HOXC5: variants seen among roughly 807,000 people sequenced by gnomAD.
HOXC5 encodes homeobox C5.
In HOXC5, 19 loss-of-function variants were observed where a neutral mutation model predicts 20.1. The ratio of observed to expected loss-of-function variants is 0.94; its 90% CI spans 0.66 to 1.38. The LOEUF is 1.38. Among genes scored for constraint, HOXC5 ranks in the 40% most tolerant of loss-of-function variants. The pLI is 0.00. For synonymous variants in HOXC5, 124 were observed against 117.0 expected, an observed-to-expected ratio of 1.06 and a Z score of -0.39; for missense variants, 330 against 300.1, an observed-to-expected ratio of 1.10 and a Z score of -0.74.
chr12:54,028,142 G>A (rs1395562331), upstream of HOXC5, among the ~76,000 whole-genome samples: 1 of 152,072 alleles, frequency 6.6e-6, no homozygotes, highest in East Asian at 1.9e-4. Context: ...AGCAAAGTTA[G>A]CTGGGGCTGA....
rs1050335029 is a variant in HOXC5 at position 54,033,088 on chromosome 12, A to C, written c.-35A>C. 1.9e-6 allele frequency: 3 copies of C among 1,561,016 alleles called. No individual in the cohort carries two copies. Among genetic ancestry groups the C allele is most frequent in the Non-Finnish European group, 2.6e-6 (3 of 1,139,936 alleles). ...AGAGTCACAAATCACCCTTAATCAAAAAGGGTGCAGAAATTTTTTTGGGCC... is the reference window on the plus strand; with the variant it reads ...AGAGTCACAAATCACCCTTAATCAACAAGGGTGCAGAAATTTTTTTGGGCC... On this transcript the variant is annotated 5_prime_UTR_variant, in exon 1 of 2. Transcript: ENST00000312492.
At chr12:54,028,496 T>C (rs543723007), upstream of HOXC5, 4 of 1,606,768 alleles carry the variant, frequency 2.5e-6, no homozygotes, top group Admixed American at 3.4e-5. Flanking sequence ...AAAGAAATCA[T>C]AGACCGACCA....
chr12:54,023,869 T>G, the HOXC5 span, among the ~76,000 whole-genome samples: 1 of 152,270 alleles, frequency 6.6e-6, no homozygotes, highest in South Asian at 2.1e-4. Context: ...GAGCCATGCT[T>G]TGGTGTTCCC....
chr12:54,033,781 A>G (rs1346320795), intron 1 of HOXC5, among the ~76,000 whole-genome samples: 2 of 152,186 alleles, frequency 1.3e-5, no homozygotes, highest in Non-Finnish European at 2.9e-5. Context: ...AAACGTGTAT[A>G]AAAGGCAATA....
chr12:54,033,495 A>C lies in HOXC5; in HGVS notation c.373A>C (p.Thr125Pro). Reference sequence around the variant, plus strand: ...GGAGATCAAAGAGGAGCAGGCGCAGACAGGGCAGCCCGCCGGACTGAGCCA... The same window carrying C: ...GGAGATCAAAGAGGAGCAGGCGCAGCCAGGGCAGCCCGCCGGACTGAGCCA... ...SGEIKEEQAQ[T>P]GQPAGLSQPP... The change falls in exon 1 of 2, where the codon ACA (threonine) becomes CCA (proline). Residue 125 changes from threonine to proline, a missense_variant. Thr to Pro is a conservative substitution (Grantham distance 38, BLOSUM62 -1). Coordinates refer to ENST00000312492, the MANE Select transcript of HOXC5 (RefSeq NM_018953.4). 1 of 1,592,304 alleles carries C rather than the reference A, an allele frequency of 6.3e-7. No homozygotes were observed. The highest frequency in any genetic ancestry group is 1.7e-5 in the Admixed American group (1 of 57,982).
upstream of HOXC5, chr12:54,029,880 G>A: frequency 6.3e-7 from 1 of 1,599,928 alleles, no homozygotes. Context: ...CTCTCGGGGG[G>A]CGGCGGAGGG....
At chr12:54,026,946 C>G in the HOXC5 span, among the ~76,000 whole-genome samples, 1 of 137,734 alleles carries the variant, frequency 7.3e-6, no homozygotes, top group Non-Finnish European at 1.6e-5. Context: ...TCCCCCCCCC[C>G]AACCCACCCA....
chr12:54,031,940 G>C (rs560995269), upstream of HOXC5, among the ~76,000 whole-genome samples: 10 of 152,308 alleles, frequency 6.6e-5, no homozygotes, highest in South Asian at 1.9e-3. Context: ...CAGGTCCCTG[G>C]AAAGCCTAGC....
upstream of HOXC5, chr12:54,028,786 C>G: frequency 1.2e-6 from 2 of 1,614,178 alleles, no homozygotes; most frequent in Non-Finnish European, 1.7e-6. Context: ...AAACTGCAGA[C>G]AAAACACCTT....
chr12:54,034,152 G>T, intron 1 of HOXC5, 126 bp from the exon 2 acceptor site: 1 of 919,666 alleles, frequency 1.1e-6, no homozygotes. Flanking sequence ...CGGCCCGCGT[G>T]GCCTGTCTTG....
At chr12:54,021,273 A>G in the HOXC5 span, 1 of 152,146 alleles carries the variant, frequency 6.6e-6, no homozygotes, top group Non-Finnish European at 1.5e-5. Flanking sequence ...AGGTCCCCCA[A>G]ATACCCAGAT....
upstream of HOXC5, chr12:54,029,017 C>A: frequency 8.3e-7 from 1 of 1,207,956 alleles, no homozygotes; most frequent in Non-Finnish European, 1.1e-6. Context: ...TTTTTATGGC[C>A]CCATAAAAAC....
chr12:54,023,715 G>T, the HOXC5 span, among the ~76,000 whole-genome samples: 1 of 152,178 alleles, frequency 6.6e-6, no homozygotes, highest in Admixed American at 6.5e-5. Flanking sequence ...TCTGTGTTAG[G>T]TGTGTCAAAT....
At chr12:54,023,923 C>T in the HOXC5 span, among the ~76,000 whole-genome samples, 5 of 152,184 alleles carry the variant, frequency 3.3e-5, no homozygotes, top group South Asian at 4.1e-4. Context: ...GACCAGGAGG[C>T]TCTTTGCGAT....
upstream of HOXC5, chr12:54,029,971 G>T (rs1337829032): frequency 2.6e-6 from 4 of 1,532,670 alleles, no homozygotes; most frequent in Non-Finnish European, 3.5e-6. Flanking sequence ...GACCAGGACT[G>T]TCCCTGCCAC....
At chr12:54,032,205 A>G (rs1459259777), upstream of HOXC5, among the ~76,000 whole-genome samples, 1 of 152,210 alleles carries the variant, frequency 6.6e-6, no homozygotes, top group Non-Finnish European at 1.5e-5. Context: ...GGACCCTAGC[A>G]TGGTGAGGTC....
chr12:54,031,208 G>A (rs1940972563), upstream of HOXC5, among the ~76,000 whole-genome samples: 1 of 152,214 alleles, frequency 6.6e-6, no homozygotes, highest in Admixed American at 6.5e-5. Flanking sequence ...GCACTATCCA[G>A]GCACCAGGGT....
chr12:54,019,613 T>C, the HOXC5 span, among the ~76,000 whole-genome samples: 3 of 152,002 alleles, frequency 2.0e-5, no homozygotes, highest in Non-Finnish European at 4.4e-5. Context: ...AAGAAAACCT[T>C]TTCCAGAGAA....
the HOXC5 span, among the ~76,000 whole-genome samples, chr12:54,027,088 A>C: frequency 4.2e-4 from 64 of 151,516 alleles, 1 homozygote; most frequent in Middle Eastern, 0.014. Flanking sequence ...TCAGGAGAAA[A>C]CCCCCATCTG....
Sources: gnomAD v4.1 joint callset for allele counts (sites outside exome capture counted in the v4.1 genomes callset) on GRCh38, gnomAD v4.1.1 for gene constraint, MANE v1.5 for transcripts, NCBI Gene and HGNC (gene_info 2026-07-23, HGNC 2026-07-21) for gene names.